Variants in ELP4 observed in about 807,000 individuals in gnomAD.
ELP4 encodes the protein elongator acetyltransferase complex subunit 4.
A neutral mutation model predicts 48.9 loss-of-function variants in ELP4; 51 were observed. That is an observed-to-expected ratio of 1.04 (90% CI 0.83 to 1.32). ELP4 has a LOEUF of 1.32. ELP4 is among the 40% of genes most tolerant of loss of function. ELP4 has a pLI of 0.00. For synonymous variants in ELP4, 210 were observed against 189.2 expected (o/e 1.11, Z -0.90); for missense variants, 519 against 514.6 (o/e 1.01, Z -0.08).
intron 2 of ELP4, among the ~76,000 whole-genome samples, chr11:31,521,787 A>C (rs543696588): frequency 6.6e-6 from 1 of 152,164 alleles, no homozygotes; most frequent in African/African-American, 2.4e-5. Flanking sequence ...TCAGTTGTAC[A>C]GTATTTGTTA....
At position 31,661,762 on chromosome 11, in the gene ELP4, C is replaced by T. The variant is rs570272665; in HGVS notation, c.1143+11541C>T. Among the ~76,000 whole-genome samples the T allele has an allele frequency of 4.0e-5, 6 of 151,876 alleles. No homozygotes were observed. In the South Asian group the frequency reaches 8.3e-4, roughly 21 times the overall value. ...TGCTTAATATATTTCTAAGGTTTTACGTAAGTAAAACAACCTTCAAAAAAT... is the reference window on the plus strand; with the variant it reads ...TGCTTAATATATTTCTAAGGTTTTATGTAAGTAAAACAACCTTCAAAAAAT... On this transcript the variant is annotated intron_variant, in intron 9 of 9. Transcript: ENST00000640961.
chr11:31,612,261 A>G (rs979290168), intron 5 of ELP4, among the ~76,000 whole-genome samples: 1 of 152,220 alleles, frequency 6.6e-6, no homozygotes, highest in East Asian at 1.9e-4. Flanking sequence ...CAGTTTCTGA[A>G]GATATGTACT....
At chr11:31,598,639 G>A (rs1957722236) in intron 4 of ELP4, among the ~76,000 whole-genome samples, 1 of 148,706 alleles carries the variant, frequency 6.7e-6, no homozygotes, top group African/African-American at 2.5e-5. Context: ...TCACAAATAT[G>A]AGACCACAAG....
chr11:31,532,770 GTTT>G (rs1166501622), intron 2 of ELP4, among the ~76,000 whole-genome samples: 1 of 123,538 alleles, frequency 8.1e-6, no homozygotes, highest in South Asian at 2.6e-4. Context: ...TTTTTTGTTG[GTTT>G]TTTTTTTTTT....
At chr11:31,693,159 T>A (rs964590767) in intron 9 of ELP4, among the ~76,000 whole-genome samples, 2 of 151,642 alleles carry the variant, frequency 1.3e-5, no homozygotes, top group African/African-American at 4.8e-5. Flanking sequence ...CTCGTTTTTT[T>A]ATTATTATTA....
chr11:31,778,485 T>C (rs1181341545), intron 9 of ELP4, among the ~76,000 whole-genome samples: 1 of 152,272 alleles, frequency 6.6e-6, no homozygotes, highest in Non-Finnish European at 1.5e-5. Context: ...ATAAACTCAC[T>C]TGTTTTTGTC....
Position 31,556,532 on chromosome 11 carries a change from A to G in ELP4, c.381+16749A>G, listed in dbSNP as rs143809504. On this transcript the variant is annotated intron_variant, in intron 3 of 9. Coordinates refer to ENST00000640961, the MANE Select transcript of ELP4 (RefSeq NM_019040.5). ...TTATATCCTTTTCATAATTTTTAAT[A>G]AGTTATGTGTTAGTATTTTTAGAAC... 9.7e-4 allele frequency among the ~76,000 whole-genome samples: 148 copies of G among 152,020 alleles called. 1 individual carries two copies. The highest frequency in any genetic ancestry group is 3.2e-3 in the African/African-American group (135 of 41,566).
chr11:31,773,916 A>C (rs867713333), intron 9 of ELP4, among the ~76,000 whole-genome samples: 64 of 152,222 alleles, frequency 4.2e-4, no homozygotes, highest in African/African-American at 1.5e-3. Flanking sequence ...ATGGTGGCTC[A>C]TACCTGTAAT....
chr11:31,771,786 T>TG (rs1948148401), intron 9 of ELP4, among the ~76,000 whole-genome samples: 1 of 152,202 alleles, frequency 6.6e-6, no homozygotes, highest in Non-Finnish European at 1.5e-5. Context: ...AAGACCATCC[T>TG]GGCTAACACA....
intron 1 of ELP4, among the ~76,000 whole-genome samples, chr11:31,517,081 C>G (rs1485457139): frequency 6.6e-6 from 1 of 152,120 alleles, no homozygotes; most frequent in East Asian, 1.9e-4. Context: ...GCACAAGTCT[C>G]ATGTTGCATA....
chr11:31,755,999 T>C (rs573036491), intron 9 of ELP4, among the ~76,000 whole-genome samples: 58 of 152,262 alleles, frequency 3.8e-4, no homozygotes, highest in African/African-American at 1.3e-3. Context: ...TTCCTACATA[T>C]CCGGGATAAG....
rs757792983 is a variant in ELP4, at chr11:31,668,675, C to CATGTGTGTGT, written c.1143+18454_1143+18455insATGTGTGTGT. ...ATCGGAATGAAATTTCCTTTGGTAC[C>CATGTGTGTGT]GTGTGTGTGTGTGTGTGTGTGTGTG... On this transcript the variant is annotated intron_variant, in intron 9 of 9. Coordinates refer to ENST00000640961, the MANE Select transcript of ELP4 (RefSeq NM_019040.5). Among the ~76,000 whole-genome samples the CATGTGTGTGT allele has an allele frequency of 8.6e-3, 1,037 of 121,080 alleles. 91 individuals carry two copies. Among genetic ancestry groups the CATGTGTGTGT allele is most frequent in the Middle Eastern group, 0.047 (11 of 236 alleles). The allele number at this position is 121,080 out of a possible 152,430, so 79.4% of individuals were successfully genotyped here.
intron 3 of ELP4, 149 bp downstream of exon 3, chr11:31,539,932 A>T: frequency 1.6e-6 from 1 of 621,264 alleles, no homozygotes; most frequent in Non-Finnish European, 2.3e-6. Context: ...CTCAGTAAAA[A>T]GTATCAAATT....
Position 31,603,328 on chromosome 11 carries a change from C to T in ELP4, c.514-440C>T, listed in dbSNP as rs184627574. Among the ~76,000 whole-genome samples, 171 of 151,792 alleles carry T rather than the reference C, an allele frequency of 1.1e-3. 2 individuals are homozygous for T. The highest frequency in any genetic ancestry group is 3.8e-3 in the African/African-American group (159 of 41,488). ...TACTCAGTGTAATATATTTAAATAG[C>T]TAGTTTCTTTTGGACCTCTTACCAG... On this transcript the variant is annotated intron_variant, in intron 4 of 9. Coordinates refer to ENST00000640961, the MANE Select transcript of ELP4 (RefSeq NM_019040.5).
At chr11:31,692,253 A>C (rs909968384) in intron 9 of ELP4, among the ~76,000 whole-genome samples, 2 of 152,122 alleles carry the variant, frequency 1.3e-5, no homozygotes, top group Non-Finnish European at 2.9e-5. Flanking sequence ...CAAATATTAG[A>C]GTTGGGGAGG....
chr11:31,584,630 C>T (rs572006847), intron 3 of ELP4, among the ~76,000 whole-genome samples: 3 of 152,032 alleles, frequency 2.0e-5, no homozygotes, highest in Non-Finnish European at 4.4e-5. Context: ...CGGGTTCAAG[C>T]GATTCTCCTG....
At chr11:31,569,086 AAAAAAAAAAT>A (rs1957155927) in intron 3 of ELP4, among the ~76,000 whole-genome samples, 1 of 150,370 alleles carries the variant, frequency 6.7e-6, no homozygotes, top group South Asian at 2.1e-4. Context: ...CCCCATCTCA[AAAAAAAAAAT>A]AAAAAAAAGG....
At chr11:31,706,926 T>A in intron 9 of ELP4, 1 of 398,072 alleles carries the variant, frequency 2.5e-6, no homozygotes, top group Non-Finnish European at 4.4e-6. Flanking sequence ...TTCTTTTTTA[T>A]TGCTAAATAT....
intron 9 of ELP4, chr11:31,653,141 A>C (rs542193241): frequency 6.6e-6 from 1 of 151,738 alleles, no homozygotes; most frequent in Admixed American, 6.6e-5. Context: ...TCAGAGTAAA[A>C]ATTTTTGCCG....
Sources: allele counts gnomAD v4.1 joint callset (sites outside exome capture counted in the v4.1 genomes callset), GRCh38; gene constraint gnomAD v4.1.1; transcripts MANE v1.5; gene names NCBI Gene and HGNC (gene_info 2026-07-23, HGNC 2026-07-21).